Variants in MYOCD observed in about 807,000 individuals in gnomAD.
MYOCD encodes myocardin.
In MYOCD, 32 loss-of-function variants were observed where a neutral mutation model predicts 96.1. The ratio of observed to expected loss-of-function variants is 0.33; its 90% CI spans 0.25 to 0.45. MYOCD has a LOEUF of 0.45. MYOCD is among the 20% of genes least tolerant of loss of function. The pLI is 1.00. For synonymous variants in MYOCD, 469 were observed against 469.0 expected (o/e 1.00, Z 0.00); for missense variants, 1,133 against 1,200.6 (o/e 0.94, Z 0.83).
At chr17:12,666,269 T>C (rs761061053) in intron 1 of MYOCD, 26 bp downstream of exon 1, 2 of 1,544,298 alleles carry the variant, frequency 1.3e-6, no homozygotes, top group Non-Finnish European at 1.8e-6. Context: ...TTAGCATTCC[T>C]TCTTAAACTT....
intron 1 of MYOCD, among the ~76,000 whole-genome samples, chr17:12,672,508 G>T (rs898884487): frequency 6.6e-6 from 1 of 152,192 alleles, no homozygotes; most frequent in Non-Finnish European, 1.5e-5. Flanking sequence ...ACAGAAAGAG[G>T]TGTCCAATTT....
chr17:12,693,118 G>A (rs2030542543), intron 1 of MYOCD, among the ~76,000 whole-genome samples: 1 of 152,052 alleles, frequency 6.6e-6, no homozygotes, highest in Non-Finnish European at 1.5e-5. Context: ...ACAGTGGGCT[G>A]CTTCTCTGAC....
intron 1 of MYOCD, among the ~76,000 whole-genome samples, chr17:12,694,245 G>C (rs1024690661): frequency 6.6e-6 from 1 of 152,208 alleles, no homozygotes; most frequent in Non-Finnish European, 1.5e-5. Flanking sequence ...GCTCTGCTCA[G>C]CAAAGCACAA....
chr17:12,711,924 CTTTTTTT>C (rs11388469), intron 2 of MYOCD, among the ~76,000 whole-genome samples: 10 of 134,834 alleles, frequency 7.4e-5, no homozygotes, highest in African/African-American at 1.4e-4. Flanking sequence ...TTTCTTTTTT[CTTTTTTT>C]TTTTTTTTTT....
At chr17:12,675,640 C>T (rs74885000) in intron 1 of MYOCD, among the ~76,000 whole-genome samples, 2 of 152,156 alleles carry the variant, frequency 1.3e-5, no homozygotes, top group African/African-American at 2.4e-5. Context: ...GGGTGGATCA[C>T]GAGGTCAGGG....
intron 9 of MYOCD, among the ~76,000 whole-genome samples, chr17:12,749,005 C>T (rs2032750042): frequency 6.6e-6 from 1 of 152,066 alleles, no homozygotes; most frequent in Non-Finnish European, 1.5e-5. Context: ...GATTATATTT[C>T]CTTCTAGGTT....
intron 4 of MYOCD, among the ~76,000 whole-genome samples, chr17:12,719,816 G>A (rs751642803): frequency 1.4e-5 from 2 of 143,908 alleles, no homozygotes; most frequent in East Asian, 2.0e-4. Context: ...GCAGTGAGCC[G>A]AGATCGTGCC....
chr17:12,764,713 C>A lies in MYOCD; in HGVS notation c.*1069C>A, dbSNP rs988488764. The A allele has an allele frequency of 2.0e-5, 3 of 152,218 alleles. No homozygotes were observed. Among genetic ancestry groups the A allele is most frequent in the Admixed American group, 2.0e-4 (3 of 15,284 alleles). 9.4% of individuals were successfully genotyped at this position (152,218 alleles called of 1,614,324 possible). On this transcript the variant is annotated 3_prime_UTR_variant, in exon 14 of 14. Coordinates refer to ENST00000425538, the MANE Select transcript of MYOCD (RefSeq NM_001146312.3). Reference sequence around the variant, plus strand: ...CCACTTTTCCTTCAAGGTACCAATCCTTTCCTGTTCCTCGTTTGGCCATCT... The same window carrying A: ...CCACTTTTCCTTCAAGGTACCAATCATTTCCTGTTCCTCGTTTGGCCATCT...
intron 1 of MYOCD, among the ~76,000 whole-genome samples, chr17:12,700,092 G>T (rs1026813323): frequency 2.0e-5 from 3 of 151,444 alleles, no homozygotes; most frequent in African/African-American, 7.3e-5. Context: ...TGTATTTTTA[G>T]TAGAGACGGG....
Position 12,666,221 on chromosome 17 carries a change from G to A in MYOCD, c.33G>A (p.Leu11=). The change falls in exon 1 of 14, where the codon CTG becomes CTA. Residue 11 remains leucine (L), a synonymous_variant. Coordinates refer to ENST00000425538, the MANE Select transcript of MYOCD (RefSeq NM_001146312.3). ...TCCTGGGGTCTGAGCATTCCTTGCTGATTAGGAGCAAGTTCAGATCAGGTA... is the reference window on the plus strand; with the variant it reads ...TCCTGGGGTCTGAGCATTCCTTGCTAATTAGGAGCAAGTTCAGATCAGGTA... The part of the protein sequence containing the change: MTLLGSEHSL[L]IRSKFRSVLQ... The A allele has an allele frequency of 6.2e-7, 1 of 1,613,622 alleles. No individual in the cohort carries two copies.
At chr17:12,695,970 C>T (rs181882048) in intron 1 of MYOCD, among the ~76,000 whole-genome samples, 197 of 151,894 alleles carry the variant, frequency 1.3e-3, no homozygotes, top group African/African-American at 4.4e-3. Flanking sequence ...GCTTATCTCA[C>T]TCAGCATCAT....
In MYOCD at chr17:12,763,220, C is replaced by T; in HGVS notation, c.2537C>T (p.Pro846Leu). Residue 846 changes from proline (P) to leucine (L), a missense_variant, in exon 14 of 14, where the codon CCC becomes CTC. Physicochemically the swap from Pro to Leu is moderately conservative, Grantham distance 98 (BLOSUM62 -3). Transcript: ENST00000425538. ...TCAGGCAGCCAGATCCCCTTTGATC[C>T]CTATGCCACCGACAGTGATGAGCAT... The part of the protein sequence containing the change: ...ASSGSQIPFD[P>L]YATDSDEHLE... The T allele has an allele frequency of 6.2e-7, 1 of 1,614,086 alleles. No homozygotes were observed. The highest frequency in any genetic ancestry group is 1.1e-5 in the South Asian group (1 of 91,074).
chr17:12,724,650 C>T (rs1031628393), intron 5 of MYOCD, among the ~76,000 whole-genome samples: 1 of 151,880 alleles, frequency 6.6e-6, no homozygotes, highest in African/African-American at 2.4e-5. Flanking sequence ...AGAGTTTATT[C>T]ACCTAGATTG....
At chr17:12,708,410 T>A (rs1257856006) in intron 2 of MYOCD, among the ~76,000 whole-genome samples, 1 of 152,140 alleles carries the variant, frequency 6.6e-6, no homozygotes. Flanking sequence ...TTTTTTTTTT[T>A]TGAGACAGAG....
intron 1 of MYOCD, among the ~76,000 whole-genome samples, chr17:12,676,813 T>G (rs764095546): frequency 6.6e-6 from 1 of 152,224 alleles, no homozygotes; most frequent in Non-Finnish European, 1.5e-5. Flanking sequence ...CTGACTTGGC[T>G]TCAAATCCTG....
chr17:12,668,224 C>T (rs896590412), intron 1 of MYOCD, among the ~76,000 whole-genome samples: 11 of 152,334 alleles, frequency 7.2e-5, no homozygotes, highest in African/African-American at 2.6e-4. Flanking sequence ...CTCTCTCTCT[C>T]TTTCACTGTT....
chr17:12,710,745 G>A (rs976846151), intron 2 of MYOCD, among the ~76,000 whole-genome samples: 18 of 152,058 alleles, frequency 1.2e-4, no homozygotes, highest in African/African-American at 3.6e-4. Flanking sequence ...AGTACACGGC[G>A]CAAGGGAATT....
Position 12,681,534 on chromosome 17 carries a change from T to C in MYOCD, c.55+15291T>C, listed in dbSNP as rs112219058. On this transcript the variant is annotated intron_variant, in intron 1 of 13. Coordinates refer to ENST00000425538, the MANE Select transcript of MYOCD (RefSeq NM_001146312.3). ...CGTGAGGCTCAATCATTGAAATCACTGCATGGTAATTCTGAGACCGAGCCT... is the reference window on the plus strand; with the variant it reads ...CGTGAGGCTCAATCATTGAAATCACCGCATGGTAATTCTGAGACCGAGCCT... Among the ~76,000 whole-genome samples, 437 of 152,362 alleles carry C rather than the reference T, an allele frequency of 2.9e-3. 2 individuals are homozygous for C. Among genetic ancestry groups the C allele is most frequent in the South Asian group, 0.013 (61 of 4,830 alleles).
At chr17:12,749,697 G>GTATACATATGTGTATATATA (rs200128861) in intron 9 of MYOCD, among the ~76,000 whole-genome samples, 53 of 3,796 alleles carry the variant, frequency 0.014, no homozygotes, top group Non-Finnish European at 0.049. Flanking sequence ...GTGTATATAT[G>GTATACATATGTGTATATATA]TATACATATG....
Sources: allele counts gnomAD v4.1 joint callset (sites outside exome capture counted in the v4.1 genomes callset), GRCh38; gene constraint gnomAD v4.1.1; transcripts MANE v1.5; gene names NCBI Gene and HGNC (gene_info 2026-07-23, HGNC 2026-07-21).